Variants in TCF7L1 observed in about 807,000 individuals in gnomAD.
TCF7L1 encodes the protein transcription factor 7 like 1.
TCF7L1 carries 18 observed loss-of-function variants against 63.7 expected under a neutral mutation model. That is an observed-to-expected ratio of 0.28 (90% CI 0.20 to 0.42). The LOEUF is 0.42. Ranked by LOEUF, TCF7L1 falls within the 10% of genes least tolerant of loss-of-function variation. TCF7L1 has a pLI of 1.00. For missense variants in TCF7L1, 654 were observed against 779.3 expected (o/e 0.84, Z 1.91); for synonymous variants, 355 against 340.9 (o/e 1.04, Z -0.46).
At position 85,207,728 on chromosome 2, in the gene TCF7L1, C is replaced by T. The variant is rs529401615; in HGVS notation, c.441+73278C>T. 8.6e-5 allele frequency among the ~76,000 whole-genome samples: 13 copies of T among 152,006 alleles called. No individual in the cohort carries two copies. The East Asian group carries it at 1.9e-3, about 23-fold the overall frequency. On this transcript the variant is annotated intron_variant, in intron 3 of 11. Coordinates refer to ENST00000282111, the MANE Select transcript of TCF7L1 (RefSeq NM_031283.3). ...TTTATGGTGGTGCAAAAGTGATACA[C>T]GTTCAGTAGAAACCGTACTTCAGTG...
chr2:85,229,468 G>A (rs1680026153), intron 3 of TCF7L1, among the ~76,000 whole-genome samples: 1 of 152,206 alleles, frequency 6.6e-6, no homozygotes, highest in Non-Finnish European at 1.5e-5. Context: ...GAACTGGAAT[G>A]ATAGGAACAT....
chr2:85,238,789 ATTT>A (rs1418307941), intron 3 of TCF7L1, among the ~76,000 whole-genome samples: 1 of 102,816 alleles, frequency 9.7e-6, no homozygotes, highest in Non-Finnish European at 1.9e-5. Context: ...TTATTTATTT[ATTT>A]ATTTATTTAT....
chr2:85,213,290 T>C (rs1679617543), intron 3 of TCF7L1, among the ~76,000 whole-genome samples: 1 of 152,204 alleles, frequency 6.6e-6, no homozygotes, highest in Non-Finnish European at 1.5e-5. Flanking sequence ...TTTTAAGTTA[T>C]GAATTTTCTA....
chr2:85,196,403 T>C (rs1313706932), intron 3 of TCF7L1, among the ~76,000 whole-genome samples: 1 of 152,226 alleles, frequency 6.6e-6, no homozygotes, highest in African/African-American at 2.4e-5. Context: ...CACATGTTAT[T>C]CTGCACATTT....
chr2:85,245,098 AT>A (rs2104329112), intron 3 of TCF7L1, among the ~76,000 whole-genome samples: 1 of 152,312 alleles, frequency 6.6e-6, no homozygotes, highest in Non-Finnish European at 1.5e-5. Flanking sequence ...AGATTCCAGA[AT>A]AGAATCTGGT....
chr2:85,152,642 C>T (rs559777260), intron 3 of TCF7L1, among the ~76,000 whole-genome samples: 2 of 151,374 alleles, frequency 1.3e-5, no homozygotes, highest in East Asian at 1.9e-4. Flanking sequence ...ACCATGTTGG[C>T]CAGGCTGGTC....
chr2:85,160,279 G>T (rs1184967934), intron 3 of TCF7L1, among the ~76,000 whole-genome samples: 1 of 152,134 alleles, frequency 6.6e-6, no homozygotes, highest in African/African-American at 2.4e-5. Context: ...CATCTTCTGA[G>T]AAATGTCCTT....
intron 3 of TCF7L1, among the ~76,000 whole-genome samples, chr2:85,146,373 C>G (rs62162833): frequency 2.6e-5 from 4 of 151,882 alleles, no homozygotes; most frequent in African/African-American, 9.7e-5. Context: ...GCCAAATTGA[C>G]GTGACAATGC....
At chr2:85,223,294 C>T (rs1025890822) in intron 3 of TCF7L1, among the ~76,000 whole-genome samples, 8 of 152,194 alleles carry the variant, frequency 5.3e-5, no homozygotes, top group African/African-American at 1.9e-4. Context: ...ATCCTGGCCT[C>T]AAGTGATCCT....
At chr2:85,283,270 C>CG (rs1553406725) in intron 3 of TCF7L1, among the ~76,000 whole-genome samples, 1 of 116,172 alleles carries the variant, frequency 8.6e-6, no homozygotes, top group African/African-American at 2.7e-5. Context: ...TCGTGTCCCC[C>CG]CCCCCAAAAT....
chr2:85,241,217 T>A (rs1387092208), intron 3 of TCF7L1, among the ~76,000 whole-genome samples: 1 of 152,108 alleles, frequency 6.6e-6, no homozygotes, highest in Non-Finnish European at 1.5e-5. Flanking sequence ...GCTCAGCAGT[T>A]TTTGCTCTCT....
At chr2:85,232,008 G>T (rs1043371200) in intron 3 of TCF7L1, among the ~76,000 whole-genome samples, 14 of 152,188 alleles carry the variant, frequency 9.2e-5, no homozygotes, top group African/African-American at 3.4e-4. Context: ...TTCGGATGGT[G>T]CCTGGTATGC....
intron 3 of TCF7L1, among the ~76,000 whole-genome samples, chr2:85,221,871 A>G (rs1263031162): frequency 6.6e-6 from 1 of 152,140 alleles, no homozygotes; most frequent in Non-Finnish European, 1.5e-5. Flanking sequence ...TACCAGAAAT[A>G]CAATTCAGAA....
chr2:85,160,460 G>A (rs1678259132), intron 3 of TCF7L1, among the ~76,000 whole-genome samples: 2 of 152,102 alleles, frequency 1.3e-5, no homozygotes, highest in African/African-American at 4.8e-5. Flanking sequence ...CCTGACCTCA[G>A]GTGATCAGCC....
intron 3 of TCF7L1, among the ~76,000 whole-genome samples, chr2:85,245,370 G>A (rs564930312): frequency 6.6e-4 from 101 of 152,278 alleles, no homozygotes; most frequent in Non-Finnish European, 1.2e-3. Flanking sequence ...TCTTCACTGG[G>A]CATCAGTCAC....
At chr2:85,241,445 T>TG (rs1680327323) in intron 3 of TCF7L1, among the ~76,000 whole-genome samples, 1 of 128,098 alleles carries the variant, frequency 7.8e-6, no homozygotes, top group Non-Finnish European at 1.7e-5. Context: ...TTGTTTTTTT[T>TG]TTTTTTTTTT....
chr2:85,201,026 C>A (rs1679257687), intron 3 of TCF7L1, among the ~76,000 whole-genome samples: 1 of 152,064 alleles, frequency 6.6e-6, no homozygotes, highest in South Asian at 2.1e-4. Context: ...CATGGTGAAA[C>A]CCTGTCTCTA....
chr2:85,183,832 T>C (rs1678857649), intron 3 of TCF7L1, among the ~76,000 whole-genome samples: 1 of 152,202 alleles, frequency 6.6e-6, no homozygotes, highest in Admixed American at 6.5e-5. Flanking sequence ...AGCAACTCTG[T>C]ACTGCTCAAC....
chr2:85,304,244 C>A lies in TCF7L1; in HGVS notation c.762-11C>A. ...TCCCAATATGCTGACCAGATTTCCT[C>A]CCCCTCACAGGCAAGGCCAGCCCAT... On this transcript the variant is annotated splice_polypyrimidine_tract_variant and intron_variant, in intron 6 of 11. Transcript: ENST00000282111. 6.2e-7 allele frequency: 1 copy of A among 1,611,056 alleles called. No homozygotes were observed. Among genetic ancestry groups the A allele is most frequent in the Non-Finnish European group, 8.5e-7 (1 of 1,177,930 alleles).
Sources: allele counts gnomAD v4.1 joint callset (sites outside exome capture counted in the v4.1 genomes callset), GRCh38; gene constraint gnomAD v4.1.1; transcripts MANE v1.5; gene names NCBI Gene and HGNC (gene_info 2026-07-23, HGNC 2026-07-21).